Variants in PYGB observed in about 807,000 individuals in gnomAD.
PYGB encodes the protein glycogen phosphorylase B, also known as glycogen phosphorylase, brain form.
PYGB carries 82 observed loss-of-function variants against 94.3 expected under a neutral mutation model. The observed-to-expected ratio is 0.87, with a 90% CI of 0.73 to 1.04. The LOEUF (loss-of-function observed/expected upper bound fraction) is 1.04. Among genes scored for constraint, PYGB ranks in the 50% least tolerant of loss-of-function variants. The probability of loss-of-function intolerance (pLI) is 0.00; values close to 1 mark genes in which losing one functional copy is unlikely to be tolerated. For synonymous variants in PYGB, 488 were observed against 479.1 expected (o/e 1.02, Z -0.24); for missense variants, 1,132 against 1,158.2 (o/e 0.98, Z 0.33).
chr20:25,278,033 C>A (rs2088329287), intron 7 of PYGB, among the ~76,000 whole-genome samples: 1 of 152,250 alleles, frequency 6.6e-6, no homozygotes, highest in Non-Finnish European at 1.5e-5. Context: ...ACCCCAAGCC[C>A]CAGGTACAGA....
Position 25,288,395 on chromosome 20 carries a change from T to A in PYGB, c.1769-30T>A, listed in dbSNP as rs955325294. On this transcript the variant is annotated intron_variant, in intron 14 of 19. Transcript: ENST00000216962. ...AGGGGCTCGTCCGGCTCGCGGTGCC[T>A]TGTGTGAGTCTCTTCCGTGTGTCCT... 4 of 1,613,926 alleles carry A rather than the reference T, an allele frequency of 2.5e-6. No homozygotes were observed. In the Admixed American group the frequency reaches 6.7e-5, roughly 27 times the overall value.
At chr20:25,249,038 C>T (rs543921716) in intron 1 of PYGB, among the ~76,000 whole-genome samples, 2 of 152,298 alleles carry the variant, frequency 1.3e-5, no homozygotes, top group East Asian at 3.9e-4. Context: ...GAGAAATTTG[C>T]TTGGGTTGAA....
At chr20:25,291,852 C>CA (rs2088470237) in intron 16 of PYGB, among the ~76,000 whole-genome samples, 1 of 152,146 alleles carries the variant, frequency 6.6e-6, no homozygotes, top group Admixed American at 6.5e-5. Flanking sequence ...GTTGTATAGT[C>CA]AGTGTGTGCA....
At position 25,290,550 on chromosome 20, in the gene PYGB, C is replaced by G; in HGVS notation, c.1897C>G (p.His633Asp). 6.2e-7 allele frequency: 1 copy of G among 1,612,190 alleles called. No homozygotes were observed. The highest frequency in any genetic ancestry group is 8.5e-7 in the Non-Finnish European group (1 of 1,178,280). ...CACCTCCATCGGCGACGTCGTCAATCATGACCCAGTTGTGGGTGACAGGTT... is the reference window on the plus strand; with the variant it reads ...CACCTCCATCGGCGACGTCGTCAATGATGACCCAGTTGTGGGTGACAGGTT... ...LVTSIGDVVN[H>D]DPVVGDRLKV... Residue 633 changes from histidine to aspartate, a missense_variant, in exon 16 of 20, where the codon CAT (histidine) becomes GAT (aspartate). Transcript: ENST00000216962.
rs137886008 is a variant in PYGB, at chr20:25,297,854, G to C, written c.*1332G>C. ...GTGGGGCAAGTGCTGGGCTGTGGTC[G>C]TGCCCTGACAGCATCTTCCCCAGGC... On this transcript the variant is annotated 3_prime_UTR_variant, in exon 20 of 20. Transcript: ENST00000216962. The C allele has an allele frequency of 1.3e-5, 2 of 152,210 alleles. No individual in the cohort carries two copies. Among genetic ancestry groups the C allele is most frequent in the South Asian group, 2.1e-4 (1 of 4,822 alleles). 9.4% of individuals were successfully genotyped at this position (152,210 alleles called of 1,614,324 possible).
At chr20:25,262,024 G>A (rs1390027758) in intron 2 of PYGB, among the ~76,000 whole-genome samples, 1 of 152,140 alleles carries the variant, frequency 6.6e-6, no homozygotes, top group Non-Finnish European at 1.5e-5. Flanking sequence ...GAAAGTGATG[G>A]GGAGAATGGC....
intron 18 of PYGB, chr20:25,294,628 C>T: frequency 1.8e-6 from 1 of 549,472 alleles, no homozygotes; most frequent in East Asian, 3.2e-5. Context: ...GTAGAGGGAG[C>T]ATGGGCCCAA....
intron 1 of PYGB, among the ~76,000 whole-genome samples, chr20:25,249,042 G>C (rs2092879933): frequency 6.6e-6 from 1 of 152,210 alleles, no homozygotes; most frequent in Admixed American, 6.5e-5. Context: ...AATTTGCTTG[G>C]GTTGAAGTTG....
chr20:25,264,378 CCT>C (rs1220135759), intron 2 of PYGB, among the ~76,000 whole-genome samples: 1 of 152,100 alleles, frequency 6.6e-6, no homozygotes, highest in Non-Finnish European at 1.5e-5. Flanking sequence ...AGACGGATGC[CCT>C]CTCTCACTAC....
Position 25,295,234 on chromosome 20 carries a change from A to G in PYGB, c.2313-370A>G, listed in dbSNP as rs2258720. Among the ~76,000 whole-genome samples the G allele has an allele frequency of 0.93, 142,160 of 152,358 alleles. 66,390 individuals are homozygous for G. Among genetic ancestry groups the G allele is most frequent in the East Asian group, 1 (5,173 of 5,186 alleles). ...GCAAATGGAGATGCCGTTCCCCAGCAAGTGCCCCCTGCCCTGAGGCGGCGC... is the reference window on the plus strand; with the variant it reads ...GCAAATGGAGATGCCGTTCCCCAGCGAGTGCCCCCTGCCCTGAGGCGGCGC... On this transcript the variant is annotated intron_variant, in intron 18 of 19. Coordinates refer to ENST00000216962, the MANE Select transcript of PYGB (RefSeq NM_002862.4).
At chr20:25,280,806 T>C in intron 10 of PYGB, 143 bp from the exon 11 acceptor site, 1 of 1,090,120 alleles carries the variant, frequency 9.2e-7, no homozygotes, top group Non-Finnish European at 1.3e-6. Context: ...TTGAGGGAGG[T>C]CTGGCTGTCA....
At chr20:25,276,615 C>A in intron 5 of PYGB, 31 bp from the exon 6 acceptor site, 1 of 1,594,708 alleles carries the variant, frequency 6.3e-7, no homozygotes, top group Non-Finnish European at 8.6e-7. Flanking sequence ...GCCCTTGCCA[C>A]TCCGTCCTGA....
chr20:25,254,620 G>C (rs1317316332), intron 1 of PYGB, among the ~76,000 whole-genome samples: 1 of 152,172 alleles, frequency 6.6e-6, no homozygotes, highest in East Asian at 1.9e-4. Flanking sequence ...GCATTTCTCG[G>C]CCTACAAACA....
intron 1 of PYGB, among the ~76,000 whole-genome samples, chr20:25,250,850 T>C (rs79783587): frequency 0.065 from 9,898 of 152,230 alleles, 997 homozygotes; most frequent in African/African-American, 0.22. Flanking sequence ...GAGGAAAAAT[T>C]AGAAAATATA....
chr20:25,296,232 G>T, intron 19 of PYGB, 138 bp from the exon 20 acceptor site: 3 of 1,058,878 alleles, frequency 2.8e-6, no homozygotes, highest in Non-Finnish European at 4.2e-6. Flanking sequence ...ACAAGTGATT[G>T]TAATGTCCTC....
chr20:25,287,081 G>A (rs1236838941), intron 14 of PYGB, among the ~76,000 whole-genome samples: 1 of 152,180 alleles, frequency 6.6e-6, no homozygotes, highest in African/African-American at 2.4e-5. Context: ...CAGGGTGGCC[G>A]CTCATCCCCT....
rs1010172699 is a variant in PYGB, at chr20:25,297,565, G to C, written c.*1043G>C. 1 of 152,302 alleles carries C rather than the reference G, an allele frequency of 6.6e-6. No individual in the cohort carries two copies. The highest frequency in any genetic ancestry group is 6.5e-5 in the Admixed American group (1 of 15,286). The allele number at this position is 152,302 out of a possible 1,614,324, so 9.4% of individuals were successfully genotyped here. On this transcript the variant is annotated 3_prime_UTR_variant, in exon 20 of 20. Transcript: ENST00000216962. ...GGAGGAACCCATTTGTGCTCTGCTT[G>C]GACAGCAGGCCTGGCACTGGGAGGT...
Position 25,259,303 on chromosome 20 carries a change from G to A in PYGB, c.310G>A (p.Gly104Ser). 6.2e-7 allele frequency: 1 copy of A among 1,612,556 alleles called. No homozygotes were observed. Among genetic ancestry groups the A allele is most frequent in the Non-Finnish European group, 8.5e-7 (1 of 1,178,562 alleles). Residue 104 changes from glycine (G) to serine (S), a missense_variant, in exon 2 of 20, where the codon GGC becomes AGC. Transcript: ENST00000216962. ...RTLQNTMVNL[G>S]LQNACDEAIY... ...GCTGCAGAACACGATGGTGAACCTG[G>A]GCCTTCAGAATGCCTGCGATGAAGC...
At chr20:25,288,025 C>T (rs753009) in intron 14 of PYGB, among the ~76,000 whole-genome samples, 24,472 of 152,124 alleles carry the variant, frequency 0.16, 2,391 homozygotes, top group East Asian at 0.44. Context: ...CCTTCATGTA[C>T]AGGGGCCTTG....
Sources: allele counts gnomAD v4.1 joint callset (sites outside exome capture counted in the v4.1 genomes callset), GRCh38; gene constraint gnomAD v4.1.1; transcripts MANE v1.5; gene names NCBI Gene and HGNC (gene_info 2026-07-23, HGNC 2026-07-21).